SUCLA2: variants seen among roughly 807,000 people sequenced by gnomAD.
The protein encoded by SUCLA2 is succinate--CoA ligase [ADP-forming] subunit beta, mitochondrial.
In SUCLA2, 30 loss-of-function variants were observed where a neutral mutation model predicts 54.8. The ratio of observed to expected loss-of-function variants is 0.55; its 90% CI spans 0.41 to 0.74. The LOEUF (loss-of-function observed/expected upper bound fraction) is 0.74. Ranked by LOEUF, SUCLA2 falls within the 30% of genes least tolerant of loss-of-function variation. SUCLA2 has a pLI of 0.00. For synonymous variants in SUCLA2, 172 were observed against 188.9 expected, an observed-to-expected ratio of 0.91 and a Z score of 0.74; for missense variants, 476 against 562.9, an observed-to-expected ratio of 0.85 and a Z score of 1.56.
chr13:47,971,168 T>A (rs1285641679), intron 5 of SUCLA2, among the ~76,000 whole-genome samples: 33 of 152,226 alleles, frequency 2.2e-4, no homozygotes, highest in Admixed American at 2.2e-3. Context: ...ATCCCAGCAC[T>A]TTGGGAGGCC....
chr13:47,956,591 T>C (rs1405930891), intron 6 of SUCLA2, among the ~76,000 whole-genome samples: 2 of 152,196 alleles, frequency 1.3e-5, no homozygotes, highest in African/African-American at 4.8e-5. Flanking sequence ...AGACCTGTGC[T>C]AAGAGAAATG....
At position 47,949,523 on chromosome 13, in the gene SUCLA2, T is replaced by C; in HGVS notation, c.1188A>G (p.Lys396=). ...CAACAGGTATTTTAATTTCCAAGTC[T>C]TTTACTGCCATGACTATACCCTGTG... ...VIAQGIVMAV[K]DLEIKIPVVV... Residue 396 remains lysine (K), a synonymous_variant, in exon 9 of 11, where the codon AAA becomes AAG. Coordinates refer to ENST00000646932, the MANE Select transcript of SUCLA2 (RefSeq NM_003850.3). 1 of 1,613,606 alleles carries C rather than the reference T, an allele frequency of 6.2e-7. No individual in the cohort carries two copies. The highest frequency in any genetic ancestry group is 8.5e-7 in the Non-Finnish European group (1 of 1,179,680).
intron 4 of SUCLA2, among the ~76,000 whole-genome samples, chr13:47,982,771 G>A (rs1441106514): frequency 6.6e-6 from 1 of 151,768 alleles, no homozygotes; most frequent in Non-Finnish European, 1.5e-5. Context: ...GCAATATTCT[G>A]CATACTGCCA....
At chr13:47,948,131 T>C (rs143804299) in intron 10 of SUCLA2, among the ~76,000 whole-genome samples, 4 of 152,316 alleles carry the variant, frequency 2.6e-5, no homozygotes, top group South Asian at 2.1e-4. Context: ...ATGAAATGTA[T>C]GAAATGATAT....
chr13:48,001,263 C>T lies in SUCLA2; in HGVS notation c.7G>A (p.Ala3Thr). Residue 3 changes from alanine to threonine, a missense_variant, in exon 1 of 11, where the codon GCC (alanine) becomes ACC (threonine). This residue lies in a region of SUCLA2 where 134 missense variants were observed against 118.7 expected (regional missense o/e 1.13). Coordinates refer to ENST00000646932, the MANE Select transcript of SUCLA2 (RefSeq NM_003850.3). ...ACTAGCCTGCCGTAGAACATGGAGG[C>T]CGCCATTTCTGAGTCGGACCCCGTC... MA[A>T]SMFYGRLVAV... 6.2e-7 allele frequency: 1 copy of T among 1,601,422 alleles called. No homozygotes were observed.
chr13:47,951,737 A>C (rs988376144), intron 8 of SUCLA2, among the ~76,000 whole-genome samples: 1 of 152,098 alleles, frequency 6.6e-6, no homozygotes, highest in African/African-American at 2.4e-5. Flanking sequence ...GCACCTCAAG[A>C]AAGGAGTAAC....
At chr13:47,999,918 G>A (rs1368484615) in intron 1 of SUCLA2, among the ~76,000 whole-genome samples, 1 of 152,016 alleles carries the variant, frequency 6.6e-6, no homozygotes, top group Non-Finnish European at 1.5e-5. Flanking sequence ...TTTCCATAAG[G>A]AGAAATGAAG....
intron 6 of SUCLA2, among the ~76,000 whole-genome samples, chr13:47,967,610 G>A (rs771270331): frequency 6.6e-6 from 1 of 152,138 alleles, no homozygotes; most frequent in African/African-American, 2.4e-5. Flanking sequence ...GGAGGCAGGG[G>A]CAGGCAGATT....
intron 6 of SUCLA2, among the ~76,000 whole-genome samples, chr13:47,966,889 ATGGGCCTGTAGTCCCAG>A (rs1180462182): frequency 6.6e-6 from 1 of 152,074 alleles, no homozygotes; most frequent in African/African-American, 2.4e-5. Flanking sequence ...TGGTGGTGGC[ATGGGCCTGTAGTCCCAG>A]CTACTCAAGA....
intron 5 of SUCLA2, among the ~76,000 whole-genome samples, chr13:47,970,343 C>T (rs1395844716): frequency 6.6e-6 from 1 of 152,124 alleles, no homozygotes; most frequent in East Asian, 1.9e-4. Context: ...CCACTCATCA[C>T]CATCATGCAA....
chr13:47,977,521 A>C (rs901127421), intron 4 of SUCLA2, among the ~76,000 whole-genome samples: 3 of 152,068 alleles, frequency 2.0e-5, no homozygotes, highest in Admixed American at 6.6e-5. Context: ...TGAAAAAAAA[A>C]CTCAAAAAAT....
chr13:47,979,182 A>G (rs1357000701), intron 4 of SUCLA2, among the ~76,000 whole-genome samples: 1 of 152,142 alleles, frequency 6.6e-6, no homozygotes, highest in Non-Finnish European at 1.5e-5. Context: ...CCCAAAGATT[A>G]TAAATCAGTA....
intron 6 of SUCLA2, among the ~76,000 whole-genome samples, chr13:47,961,188 A>C (rs1322315743): frequency 5.3e-5 from 8 of 152,156 alleles, no homozygotes; most frequent in Non-Finnish European, 1.5e-5. Context: ...ATAAAGGAAA[A>C]TTTTGGTTTT....
intron 4 of SUCLA2, 151 bp from the exon 5 acceptor site, chr13:47,973,543 C>G (rs1949985163): frequency 1.3e-6 from 1 of 767,950 alleles, no homozygotes; most frequent in Admixed American, 2.5e-5. Flanking sequence ...CCTCACATCT[C>G]CAGCACAGTG....
intron 4 of SUCLA2, among the ~76,000 whole-genome samples, chr13:47,984,315 T>C (rs9595828): frequency 0.063 from 9,546 of 151,676 alleles, 356 homozygotes; most frequent in Middle Eastern, 0.092. Context: ...TGCCTCAGCC[T>C]CCCGAGTAGC....
rs765735446 is a variant in SUCLA2, at chr13:47,996,882, T to C, written c.232A>G (p.Lys78Glu). 1.9e-6 allele frequency: 3 copies of C among 1,613,896 alleles called. No homozygotes were observed. The highest frequency in any genetic ancestry group is 2.2e-5 in the East Asian group (1 of 44,872). Reference sequence around the variant, plus strand: ...ATTGCATAAGCTTCATCTGGTGACTTTGCCACATATCCTTTGGGAACGGAG... The same window carrying C: ...ATTGCATAAGCTTCATCTGGTGACTCTGCCACATATCCTTTGGGAACGGAG... ...GVSVPKGYVA[K>E]SPDEAYAIAK... is the part of the protein sequence containing the mutation. Residue 78 changes from lysine to glutamate, a missense_variant, in exon 2 of 11, where the codon AAG becomes GAG. Physicochemically the swap from Lys to Glu is moderately conservative, Grantham distance 56. Transcript: ENST00000646932.
intron 4 of SUCLA2, among the ~76,000 whole-genome samples, chr13:47,985,750 C>T (rs1411680808): frequency 1.3e-5 from 2 of 152,136 alleles, no homozygotes; most frequent in Admixed American, 6.5e-5. Flanking sequence ...TGGGTATATA[C>T]CCAGTAGTGG....
chr13:47,965,495 A>AAAAAAAAAAAAC (rs1949910175), intron 6 of SUCLA2: 1 of 68,486 alleles, frequency 1.5e-5, no homozygotes, highest in African/African-American at 1.8e-4. Context: ...CCCCTTCTTT[A>AAAAAAAAAAAAC]AAAAAAAAAA....
intron 1 of SUCLA2, among the ~76,000 whole-genome samples, chr13:47,999,663 C>CGCCACTGCACTCCAGCCTGG (rs1566094888): frequency 4.0e-5 from 6 of 150,840 alleles, no homozygotes; most frequent in Non-Finnish European, 8.8e-5. Context: ...GCCAAGATCG[C>CGCCACTGCACTCCAGCCTGG]GCCACTGCAC....
Sources: gnomAD v4.1 joint callset for allele counts (sites outside exome capture counted in the v4.1 genomes callset) on GRCh38, gnomAD v4.1.1 for gene constraint, gnomAD v4.1.1 regional missense constraint, MANE v1.5 for transcripts, NCBI Gene and HGNC (gene_info 2026-07-23, HGNC 2026-07-21) for gene names.